The following ZFAND3 variants were observed in gnomAD, a reference collection of about 807,000 sequenced individuals.
ZFAND3 encodes zinc finger AN1-type containing 3, also known as AN1-type zinc finger protein 3.
ZFAND3 carries 10 observed loss-of-function variants against 29.6 expected under a neutral mutation model. That is an observed-to-expected ratio of 0.34 (90% CI 0.21 to 0.57). The LOEUF is 0.57. ZFAND3 is among the 20% of genes least tolerant of loss of function. The pLI is 0.86. For synonymous variants in ZFAND3, 128 were observed against 112.6 expected (o/e 1.14, Z -0.87); for missense variants, 230 against 304.5 (o/e 0.76, Z 1.82).
At chr6:37,921,994 G>T (rs921699227) in intron 1 of ZFAND3, among the ~76,000 whole-genome samples, 13 of 151,574 alleles carry the variant, frequency 8.6e-5, no homozygotes, top group Admixed American at 2.6e-4. Flanking sequence ...TGCCCAGGAG[G>T]CGGAGGTCAC....
At chr6:37,848,498 G>A (rs1764222317) in intron 1 of ZFAND3, among the ~76,000 whole-genome samples, 1 of 152,200 alleles carries the variant, frequency 6.6e-6, no homozygotes, top group African/African-American at 2.4e-5. Flanking sequence ...TGGGGAAAAT[G>A]GTTATTCTGC....
Position 37,819,756 on chromosome 6 carries a change from G to A in ZFAND3, c.-190G>A, listed in dbSNP as rs896223342. 1.7e-5 allele frequency: 4 copies of A among 231,978 alleles called. No individual in the cohort carries two copies. The highest frequency in any genetic ancestry group is 4.7e-5 in the African/African-American group (2 of 42,966). The allele number at this position is 231,978 out of a possible 1,614,324, so 14.4% of individuals were successfully genotyped here. On this transcript the variant is annotated 5_prime_UTR_variant, in exon 1 of 6. Transcript: ENST00000287218. The stretch of plus-strand genomic sequence containing the variant: ...CCGTCTCCGCAGGCCGAGTGGTGCG[G>A]CCCGCCTCCAGCTGACCGGCCTGGA...
chr6:38,019,043 A>G (rs1172636387), intron 2 of ZFAND3, among the ~76,000 whole-genome samples: 1 of 151,966 alleles, frequency 6.6e-6, no homozygotes, highest in Admixed American at 6.6e-5. Flanking sequence ...GCTCACTGCA[A>G]CCTCCACCTC....
intron 5 of ZFAND3, among the ~76,000 whole-genome samples, chr6:38,147,816 A>AT (rs557670164): frequency 6.7e-4 from 100 of 149,254 alleles, no homozygotes; most frequent in Admixed American, 1.6e-3. Flanking sequence ...TTTTAATAGG[A>AT]TTTTTTTTTT....
intron 4 of ZFAND3, among the ~76,000 whole-genome samples, chr6:38,100,052 A>C (rs1368557803): frequency 6.6e-6 from 1 of 151,124 alleles, no homozygotes; most frequent in East Asian, 1.9e-4. Context: ...TGATAAACCT[A>C]TTTCTTTTTT....
chr6:37,851,361 C>T (rs1171289562), intron 1 of ZFAND3, among the ~76,000 whole-genome samples: 1 of 152,024 alleles, frequency 6.6e-6, no homozygotes, highest in Non-Finnish European at 1.5e-5. Flanking sequence ...TCATTTGTGG[C>T]CTTTGGAAAA....
intron 1 of ZFAND3, among the ~76,000 whole-genome samples, chr6:37,919,927 A>G (rs1015631651): frequency 3.3e-5 from 5 of 152,116 alleles, no homozygotes; most frequent in African/African-American, 1.2e-4. Context: ...TCACAGACTA[A>G]CTGGAGAGAT....
chr6:37,933,072 T>G (rs1432211005), intron 2 of ZFAND3, among the ~76,000 whole-genome samples: 1 of 152,236 alleles, frequency 6.6e-6, no homozygotes, highest in East Asian at 1.9e-4. Context: ...GAATGCAGTA[T>G]TACAGAAGAG....
intron 2 of ZFAND3, among the ~76,000 whole-genome samples, chr6:38,044,874 T>C (rs2127457560): frequency 6.6e-6 from 1 of 152,226 alleles, no homozygotes; most frequent in Admixed American, 6.5e-5. Flanking sequence ...AATTGAAGTA[T>C]AAAGTGTTAA....
intron 2 of ZFAND3, among the ~76,000 whole-genome samples, chr6:37,959,674 G>A (rs769074170): frequency 8.5e-5 from 13 of 152,180 alleles, no homozygotes; most frequent in Non-Finnish European, 1.9e-4. Flanking sequence ...CCTTACACTT[G>A]TGATCCTTGC....
chr6:38,109,687 G>A (rs1765277460), intron 4 of ZFAND3, among the ~76,000 whole-genome samples: 3 of 152,224 alleles, frequency 2.0e-5, no homozygotes, highest in South Asian at 4.2e-4. Flanking sequence ...CCTAATCTCA[G>A]TCTTTAAAAC....
intron 2 of ZFAND3, among the ~76,000 whole-genome samples, chr6:37,994,445 C>T (rs779020572): frequency 1.3e-5 from 2 of 152,124 alleles, no homozygotes; most frequent in African/African-American, 2.4e-5. Context: ...CTGCTTATTC[C>T]AAGCTCAGAC....
At chr6:38,074,431 A>T (rs1452502673) in intron 3 of ZFAND3, among the ~76,000 whole-genome samples, 2 of 152,240 alleles carry the variant, frequency 1.3e-5, no homozygotes, top group Non-Finnish European at 2.9e-5. Flanking sequence ...TACATAAAAA[A>T]AGTTTCTTAG....
At chr6:38,082,596 C>T (rs531037357) in intron 4 of ZFAND3, 139 bp downstream of exon 4, 45 of 711,650 alleles carry the variant, frequency 6.3e-5, no homozygotes, top group Admixed American at 3.5e-4. Context: ...TTAGTATTCA[C>T]GGCGGAGTGT....
At chr6:38,006,661 T>G (rs1403912109) in intron 2 of ZFAND3, among the ~76,000 whole-genome samples, 11 of 150,566 alleles carry the variant, frequency 7.3e-5, no homozygotes, top group African/African-American at 2.4e-4. Flanking sequence ...GAGGGTTTTT[T>G]TTTTTTTTTT....
chr6:38,089,168 A>G (rs901404136), intron 4 of ZFAND3, among the ~76,000 whole-genome samples: 117 of 151,724 alleles, frequency 7.7e-4, no homozygotes, highest in Non-Finnish European at 1.5e-3. Flanking sequence ...AGGCTGGAGT[A>G]CAGTGGTACA....
intron 1 of ZFAND3, among the ~76,000 whole-genome samples, chr6:37,914,665 T>C (rs1188840295): frequency 9.1e-6 from 1 of 110,056 alleles, no homozygotes; most frequent in Non-Finnish European, 2.0e-5. Context: ...TTTCTTTCTT[T>C]TTTTTTCTTT....
chr6:37,896,353 A>G (rs1002966027), intron 1 of ZFAND3, among the ~76,000 whole-genome samples: 4 of 152,112 alleles, frequency 2.6e-5, no homozygotes, highest in African/African-American at 7.2e-5. Flanking sequence ...GGCCTATTAC[A>G]TAAATGTTTG....
In ZFAND3 at chr6:37,845,042, A is replaced by T. The variant is rs111991167; in HGVS notation, c.71+25026A>T. On this transcript the variant is annotated intron_variant, in intron 1 of 5. Coordinates refer to ENST00000287218, the MANE Select transcript of ZFAND3 (RefSeq NM_021943.3). ...CCGTCTCAAAAAAAAAAAAAAAAGC[A>T]ATTATCATCTCTCACAGTTGATGGG... 1.4e-3 allele frequency among the ~76,000 whole-genome samples: 216 copies of T among 151,250 alleles called. 1 individual carries two copies. The highest frequency in any genetic ancestry group is 4.4e-3 in the African/African-American group (180 of 41,312).
Sources: gnomAD v4.1 joint callset for allele counts (sites outside exome capture counted in the v4.1 genomes callset) on GRCh38, gnomAD v4.1.1 for gene constraint, MANE v1.5 for transcripts, NCBI Gene and HGNC (gene_info 2026-07-23, HGNC 2026-07-21) for gene names.